NOP9: variants seen among roughly 807,000 people sequenced by gnomAD.
The protein encoded by NOP9 is nucleolar protein 9.
A neutral mutation model predicts 63.0 loss-of-function variants in NOP9; 50 were observed. The observed-to-expected ratio is 0.79, with a 90% CI of 0.63 to 1.00. NOP9 has a LOEUF of 1.00. Among genes scored for constraint, NOP9 ranks in the 50% least tolerant of loss-of-function variants. NOP9 has a pLI of 0.00. For synonymous variants in NOP9, 343 were observed against 332.8 expected (o/e 1.03, Z -0.33); for missense variants, 758 against 803.0 (o/e 0.94, Z 0.68).
chr14:24,295,035 C>G (rs1289438542), upstream of NOP9, among the ~76,000 whole-genome samples: 1 of 152,024 alleles, frequency 6.6e-6, no homozygotes, highest in Non-Finnish European at 1.5e-5. Flanking sequence ...GTTTTCTTTT[C>G]TTTTTTTCTA....
the NOP9 span, among the ~76,000 whole-genome samples, chr14:24,286,949 G>A: frequency 0.023 from 3,486 of 151,840 alleles, 125 homozygotes; most frequent in African/African-American, 0.08. Context: ...GAGTGTAGTG[G>A]CGCAATCTCA....
In NOP9 at chr14:24,303,157, G is replaced by A. The variant is rs752901520; in HGVS notation, c.1227G>A (p.Val409=). The change falls in exon 6 of 10, where the codon GTG becomes GTA. Residue 409 remains valine (V), a synonymous_variant. Transcript: ENST00000267425. The part of the protein sequence containing the change: ...QGHPGVVIAL[V]GACRRVGAYQ... The stretch of plus-strand genomic sequence containing the variant: ...ACCCAGGGGTAGTCATTGCCCTGGT[G>A]GGGGCCTGTCGCAGAGTTGGGGCCT... 1 of 1,613,898 alleles carries A rather than the reference G, an allele frequency of 6.2e-7. No homozygotes were observed. Among genetic ancestry groups the A allele is most frequent in the African/African-American group, 1.3e-5 (1 of 75,024 alleles).
the NOP9 span, among the ~76,000 whole-genome samples, chr14:24,284,649 G>A: frequency 6.6e-6 from 1 of 152,142 alleles, no homozygotes; most frequent in Admixed American, 6.5e-5. Context: ...TCTCCCTAGG[G>A]ATGGGGAGGC....
chr14:24,303,084 T>C lies in NOP9; in HGVS notation c.1154T>C (p.Val385Ala), dbSNP rs536540961. 13 of 1,543,224 alleles carry C rather than the reference T, an allele frequency of 8.4e-6. No homozygotes were observed. Among genetic ancestry groups the C allele is most frequent in the Admixed American group, 4.3e-5 (2 of 47,010 alleles). ...CATGTTTCCCATCAGCTGTCCCCTG[T>C]GTTTGAGGAGCTGAGCCCTGTCTTG... ...AVTTPELLSPVFEELSPVLEA... is the reference protein window; with the variant it reads ...AVTTPELLSPAFEELSPVLEA... The change falls in exon 6 of 10, where the codon GTG (valine) becomes GCG (alanine). Residue 385 changes from valine to alanine, a missense_variant. Transcript: ENST00000267425.
chr14:24,286,679 GC>G, the NOP9 span, among the ~76,000 whole-genome samples: 1 of 151,926 alleles, frequency 6.6e-6, no homozygotes, highest in Non-Finnish European at 1.5e-5. Context: ...TGCAAGCTCT[GC>G]CTCCCAGGTT....
intron 5 of NOP9, 86 bp downstream of exon 5, chr14:24,302,510 T>A: frequency 2.3e-6 from 3 of 1,288,914 alleles, no homozygotes; most frequent in African/African-American, 1.5e-5. Context: ...TCTATATACC[T>A]TTGACATTGT....
chr14:24,305,435 G>T lies in NOP9; in HGVS notation c.*340G>T. On this transcript the variant is annotated 3_prime_UTR_variant, in exon 10 of 10. Coordinates refer to ENST00000267425, the MANE Select transcript of NOP9 (RefSeq NM_174913.3). Reference sequence around the variant, plus strand: ...CCAGAAAGGTGGCTAGGAAAGAACAGCATTCTTCAGGTAAGGGTATAGACT... The same window carrying T: ...CCAGAAAGGTGGCTAGGAAAGAACATCATTCTTCAGGTAAGGGTATAGACT... 1 of 663,382 alleles carries T rather than the reference G, an allele frequency of 1.5e-6. No homozygotes were observed. Among genetic ancestry groups the T allele is most frequent in the Non-Finnish European group, 2.4e-6 (1 of 413,150 alleles). 41.1% of individuals were successfully genotyped at this position (663,382 alleles called of 1,614,324 possible).
upstream of NOP9, chr14:24,296,849 C>G: frequency 6.2e-7 from 1 of 1,614,230 alleles, no homozygotes; most frequent in African/African-American, 1.3e-5. Context: ...AATCGCACAC[C>G]ACAGGCACAC....
rs2041536978 is a variant in NOP9 at position 24,307,174 on chromosome 14, G to C, written c.*2079G>C. 1.9e-6 allele frequency: 1 copy of C among 538,856 alleles called. No individual in the cohort carries two copies. Among genetic ancestry groups the C allele is most frequent in the Non-Finnish European group, 3.3e-6 (1 of 306,040 alleles). The allele number at this position is 538,856 out of a possible 1,614,324, so 33.4% of individuals were successfully genotyped here. On this transcript the variant is annotated 3_prime_UTR_variant, in exon 10 of 10. Coordinates refer to ENST00000267425, the MANE Select transcript of NOP9 (RefSeq NM_174913.3). ...CTCTCCCTATCTCCTGCTAACCCCT[G>C]CTCCCATAGAAAAGCTCACTCGGTG...
intron 2 of NOP9, among the ~76,000 whole-genome samples, 197 bp from the exon 3 acceptor site, chr14:24,301,415 A>T (rs1051596082): frequency 1.3e-5 from 2 of 152,200 alleles, no homozygotes; most frequent in Admixed American, 6.5e-5. Context: ...TCTGTGGACC[A>T]TGGGGAAGCT....
At chr14:24,301,565 G>T in intron 2 of NOP9, 47 bp from the exon 3 acceptor site, 1 of 1,605,322 alleles carries the variant, frequency 6.2e-7, no homozygotes, top group South Asian at 1.1e-5. Context: ...TCTCCTGGAT[G>T]GCAGTTTGTG....
chr14:24,304,465 G>T, intron 8 of NOP9, 28 bp from the exon 9 acceptor site: 1 of 1,568,410 alleles, frequency 6.4e-7, no homozygotes. Flanking sequence ...TTTTGCTAGG[G>T]AGACCTACTT....
At chr14:24,294,996 A>G (rs953604904), upstream of NOP9, among the ~76,000 whole-genome samples, 1 of 152,196 alleles carries the variant, frequency 6.6e-6, no homozygotes, top group African/African-American at 2.4e-5. Context: ...GATAATATTT[A>G]TTAAATCTTT....
At chr14:24,296,624 G>C, upstream of NOP9, 1 of 1,613,830 alleles carries the variant, frequency 6.2e-7, no homozygotes, top group South Asian at 1.1e-5. Flanking sequence ...ATGATCTGAA[G>C]GTAGGGAGGT....
chr14:24,288,098 C>T, the NOP9 span, among the ~76,000 whole-genome samples: 1 of 152,214 alleles, frequency 6.6e-6, no homozygotes, highest in Non-Finnish European at 1.5e-5. Flanking sequence ...GTGAATAGCA[C>T]TATTCCTTCT....
chr14:24,291,042 T>C, the NOP9 span: 1 of 1,613,394 alleles, frequency 6.2e-7, no homozygotes, highest in Non-Finnish European at 8.5e-7. Context: ...TTCCCACTCC[T>C]CAGATACCCT....
chr14:24,306,842 G>A lies in NOP9; in HGVS notation c.*1747G>A. The A allele has an allele frequency of 2.5e-6, 1 of 402,310 alleles. No homozygotes were observed. The highest frequency in any genetic ancestry group is 2.7e-5 in the South Asian group (1 of 36,708). The allele number at this position is 402,310 out of a possible 1,614,324, so 24.9% of individuals were successfully genotyped here. A position where few individuals can be genotyped will look rare whatever the true frequency, so the allele number is the denominator to read the frequency against. On this transcript the variant is annotated 3_prime_UTR_variant, in exon 10 of 10. Transcript: ENST00000267425. ...TCCACCCTTCTGTCTTATCTACAAT[G>A]CTGCACCTCACTTCCCACACCCTCA...
In NOP9 at chr14:24,306,770, A is replaced by G; in HGVS notation, c.*1675A>G. ...TGGCATCTCCCCTTGCTCCCCTCCA[A>G]GTCACTTCTGGTTTGGAATTGGAAA... On this transcript the variant is annotated 3_prime_UTR_variant, in exon 10 of 10. Transcript: ENST00000267425. 1 of 526,192 alleles carries G rather than the reference A, an allele frequency of 1.9e-6. No individual in the cohort carries two copies. Among genetic ancestry groups the G allele is most frequent in the Middle Eastern group, 5.1e-4 (1 of 1,974 alleles). The allele number at this position is 526,192 out of a possible 1,614,324, so 32.6% of individuals were successfully genotyped here. A position where few individuals can be genotyped will look rare whatever the true frequency, so the allele number is the denominator to read the frequency against.
chr14:24,300,727 GGT>G lies in NOP9; in HGVS notation c.573_574del (p.Cys191Ter). On this transcript the variant is annotated frameshift_variant, in exon 2 of 10. Transcript: ENST00000267425. LOFTEE classifies it high-confidence loss of function. ...EELVLGLAAE[V>X]CDDFLVYCGD... ...AGCTGGTCCTGGGACTAGCCGCTGA[GGT>G]GTGTGATGATTTTCTTGTCTACTGT... 6.2e-7 allele frequency: 1 copy of G among 1,614,156 alleles called. No homozygotes were observed. The highest frequency in any genetic ancestry group is 8.5e-7 in the Non-Finnish European group (1 of 1,180,036).
Sources: allele counts gnomAD v4.1 joint callset (sites outside exome capture counted in the v4.1 genomes callset), GRCh38; gene constraint gnomAD v4.1.1; transcripts MANE v1.5; gene names NCBI Gene and HGNC (gene_info 2026-07-23, HGNC 2026-07-21).